GSE1: variants seen among roughly 807,000 people sequenced by gnomAD.
GSE1 encodes the protein genetic suppressor element 1.
Under a neutral mutation model 112.6 loss-of-function variants are expected in GSE1, and 32 were observed. That is an observed-to-expected ratio of 0.28 (90% CI 0.21 to 0.38). GSE1 has a LOEUF of 0.38. Among genes scored for constraint, GSE1 ranks in the 10% least tolerant of loss-of-function variants. The probability of loss-of-function intolerance (pLI) is 1.00; values close to 1 mark genes in which losing one functional copy is unlikely to be tolerated. For missense variants in GSE1, 2,348 were observed against 1,699.2 expected, an observed-to-expected ratio of 1.38 and a Z score of -6.71; for synonymous variants, 1,115 against 735.6, an observed-to-expected ratio of 1.52 and a Z score of -8.35.
intron 2 of GSE1, among the ~76,000 whole-genome samples, chr16:85,366,772 A>G (rs1188636718): frequency 6.6e-6 from 1 of 152,266 alleles, no homozygotes; most frequent in East Asian, 1.9e-4. Context: ...TGGGCAATTG[A>G]AAAAACAATA....
intron 2 of GSE1, among the ~76,000 whole-genome samples, chr16:85,468,113 C>T (rs1415135845): frequency 6.6e-6 from 1 of 152,068 alleles, no homozygotes. Context: ...ACAGAGGTCC[C>T]GATGGGAGAT....
At chr16:85,613,476 T>C (rs903330493) in intron 1 of GSE1, 78 bp downstream of exon 1, 11 of 1,332,092 alleles carry the variant, frequency 8.3e-6, no homozygotes, top group Non-Finnish European at 1.1e-5. Flanking sequence ...AGTTCGCGGG[T>C]TTCGCGGGGG....
chr16:85,608,520 A>AGACC (rs887752078), upstream of GSE1, among the ~76,000 whole-genome samples: 5 of 151,954 alleles, frequency 3.3e-5, no homozygotes, highest in African/African-American at 9.7e-5. Flanking sequence ...AAACCGCTTG[A>AGACC]GACCTGTCGT....
intron 2 of GSE1, among the ~76,000 whole-genome samples, chr16:85,506,604 A>G (rs1210792332): frequency 1.3e-5 from 2 of 151,996 alleles, no homozygotes; most frequent in African/African-American, 4.8e-5. Context: ...GGTAGGGGAA[A>G]ACGCACTCTC....
At chr16:85,637,145 G>C (rs2050070363) in intron 2 of GSE1, among the ~76,000 whole-genome samples, 1 of 152,220 alleles carries the variant, frequency 6.6e-6, no homozygotes, top group African/African-American at 2.4e-5. Flanking sequence ...TCACCCCTAA[G>C]AGAACCTCGG....
chr16:85,640,460 T>A (rs997649851), intron 2 of GSE1, among the ~76,000 whole-genome samples: 1 of 152,222 alleles, frequency 6.6e-6, no homozygotes, highest in African/African-American at 2.4e-5. Flanking sequence ...CTGTGCCGCC[T>A]TCCCCTGGTG....
At chr16:85,655,102 G>A in intron 5 of GSE1, 111 bp downstream of exon 5, 1 of 756,324 alleles carries the variant, frequency 1.3e-6, no homozygotes, top group East Asian at 2.7e-5. Flanking sequence ...TCCTAGGGGA[G>A]GGTCTAGAGT....
At chr16:85,614,257 C>A (rs546927558) in intron 1 of GSE1, among the ~76,000 whole-genome samples, 43 of 152,206 alleles carry the variant, frequency 2.8e-4, no homozygotes, top group African/African-American at 9.6e-4. Flanking sequence ...CGCTGATGGG[C>A]GGCGAGTGGC....
chr16:85,198,051 A>G (rs1409160321), intron 1 of GSE1, among the ~76,000 whole-genome samples: 1 of 152,046 alleles, frequency 6.6e-6, no homozygotes. Flanking sequence ...GTCCTGTTCC[A>G]GCAGAGGGTG....
At chr16:85,456,983 A>T (rs971868146) in intron 2 of GSE1, among the ~76,000 whole-genome samples, 1 of 152,202 alleles carries the variant, frequency 6.6e-6, no homozygotes, top group Non-Finnish European at 1.5e-5. Context: ...AGAAGAGCTG[A>T]CCAAGGGCTT....
chr16:85,516,586 C>CA (rs35709045), intron 2 of GSE1, among the ~76,000 whole-genome samples: 22,270 of 80,112 alleles, frequency 0.28, 2,424 homozygotes, highest in East Asian at 0.31. Flanking sequence ...GACCCTGTCT[C>CA]AAAAAAAAAA....
At chr16:85,638,039 C>T (rs1386385174) in intron 2 of GSE1, among the ~76,000 whole-genome samples, 3 of 152,210 alleles carry the variant, frequency 2.0e-5, no homozygotes, top group Non-Finnish European at 2.9e-5. Flanking sequence ...GGCCCCTCCT[C>T]TGGGTGCCCT....
intron 2 of GSE1, among the ~76,000 whole-genome samples, chr16:85,644,199 C>A (rs1379295155): frequency 1.3e-5 from 2 of 152,074 alleles, no homozygotes; most frequent in African/African-American, 4.8e-5. Context: ...ACTAGCCGGG[C>A]CTGGTGGCAC....
At chr16:85,608,997 C>T (rs1319703489), upstream of GSE1, among the ~76,000 whole-genome samples, 8 of 152,220 alleles carry the variant, frequency 5.3e-5, no homozygotes, top group Non-Finnish European at 1.0e-4. Context: ...CCAGAAAGAA[C>T]GTGTCCGGGA....
At position 85,545,772 on chromosome 16, in the gene GSE1, G is replaced by GT. The variant is rs545201809; in HGVS notation, c.2465-88139dup. 3.0e-4 allele frequency among the ~76,000 whole-genome samples: 44 copies of GT among 147,884 alleles called. No homozygotes were observed. In the South Asian group the frequency reaches 8.5e-3, roughly 29 times the overall value. The stretch of plus-strand genomic sequence containing the variant: ...TATGTGTTGTTAGTTTGTTTTTTTG[G>GT]TTTGTTTGTTTGTTTGTTTGTTTGT... On this transcript the variant is annotated intron_variant, in intron 2 of 2. Transcript: ENST00000637419.
At chr16:85,522,563 T>C (rs2151158290) in intron 2 of GSE1, among the ~76,000 whole-genome samples, 1 of 152,340 alleles carries the variant, frequency 6.6e-6, no homozygotes, top group Non-Finnish European at 1.5e-5. Flanking sequence ...CCTTAGCTCA[T>C]CTGTGGCTCA....
chr16:85,429,236 C>T (rs529716733), intron 2 of GSE1, among the ~76,000 whole-genome samples: 7 of 152,224 alleles, frequency 4.6e-5, no homozygotes, highest in Non-Finnish European at 1.0e-4. Context: ...CCGGAGCACC[C>T]CCCAGGATGC....
At chr16:85,362,831 CTTTTTT>C (rs67922655) in intron 2 of GSE1, among the ~76,000 whole-genome samples, 1 of 103,478 alleles carries the variant, frequency 9.7e-6, no homozygotes, top group African/African-American at 3.8e-5. Flanking sequence ...TTATTGATAT[CTTTTTT>C]TTTTTTTTTT....
intron 1 of GSE1, among the ~76,000 whole-genome samples, chr16:85,221,329 CACACA>C (rs2075388393): frequency 2.0e-5 from 3 of 148,504 alleles, no homozygotes; most frequent in Admixed American, 1.3e-4. Context: ...CACACACACA[CACACA>C]CCCCAAGTAC....
Sources: allele counts gnomAD v4.1 joint callset (sites outside exome capture counted in the v4.1 genomes callset), GRCh38; gene constraint gnomAD v4.1.1; transcripts MANE v1.5; gene names NCBI Gene and HGNC (gene_info 2026-07-23, HGNC 2026-07-21).